Variants in DOCK2 observed in about 807,000 individuals in gnomAD.
DOCK2 encodes the protein dedicator of cytokinesis 2.
Under a neutral mutation model 248.9 loss-of-function variants are expected in DOCK2, and 87 were observed. The ratio of observed to expected loss-of-function variants is 0.35; its 90% CI spans 0.29 to 0.42. DOCK2 has a LOEUF of 0.42. Among genes scored for constraint, DOCK2 ranks in the 10% least tolerant of loss-of-function variants. DOCK2 has a pLI of 1.00. For missense variants in DOCK2, 1,747 were observed against 2,300.2 expected (o/e 0.76, Z 4.92); for synonymous variants, 805 against 821.6 (o/e 0.98, Z 0.35).
chr5:169,757,736 A>G lies in DOCK2; in HGVS notation c.2377-1969A>G, dbSNP rs79932794. Among the ~76,000 whole-genome samples the G allele has an allele frequency of 2.1e-3, 314 of 152,336 alleles. 6 individuals carry two copies. In the East Asian group the frequency reaches 0.053, roughly 26 times the overall value. On this transcript the variant is annotated intron_variant, in intron 23 of 51. Coordinates refer to ENST00000520908, the MANE Select transcript of DOCK2 (RefSeq NM_004946.3). ...GCATGAAAAATTTTAAAAACCAATA[A>G]GAAAAAAATACCCAAAATAAGAATA...
intron 27 of DOCK2, among the ~76,000 whole-genome samples, chr5:169,902,108 C>A (rs77798159): frequency 0.011 from 1,651 of 152,278 alleles, 8 homozygotes; most frequent in South Asian, 0.044. Context: ...GCATCTTGAT[C>A]TGTAGGGTTA....
intron 27 of DOCK2, among the ~76,000 whole-genome samples, chr5:169,871,601 C>T (rs1256167152): frequency 6.6e-6 from 1 of 152,124 alleles, no homozygotes; most frequent in African/African-American, 2.4e-5. Context: ...GAATCCGAAC[C>T]CTGACAGTCT....
At chr5:169,753,914 T>C (rs1431173087) in intron 23 of DOCK2, among the ~76,000 whole-genome samples, 2 of 152,222 alleles carry the variant, frequency 1.3e-5, no homozygotes, top group African/African-American at 2.4e-5. Context: ...CTATGGACCT[T>C]GATCATCCAC....
chr5:170,075,493 C>T (rs1160593497), intron 46 of DOCK2: 1 of 159,430 alleles, frequency 6.3e-6, no homozygotes, highest in Admixed American at 6.2e-5. Flanking sequence ...GCTATGCCCC[C>T]TCCTCTGTTT....
chr5:169,877,367 C>A (rs1053357124), intron 27 of DOCK2, among the ~76,000 whole-genome samples: 2 of 152,242 alleles, frequency 1.3e-5, no homozygotes, highest in South Asian at 4.2e-4. Context: ...GGTCAATTCA[C>A]GTTCAAGTGA....
intron 25 of DOCK2, among the ~76,000 whole-genome samples, chr5:169,797,796 C>G (rs2113102623): frequency 6.6e-6 from 1 of 152,282 alleles, no homozygotes; most frequent in East Asian, 1.9e-4. Context: ...ATCTTCAAAA[C>G]CATTTGTGTT....
At chr5:169,972,965 C>T (rs143426538) in intron 27 of DOCK2, among the ~76,000 whole-genome samples, 2 of 152,242 alleles carry the variant, frequency 1.3e-5, no homozygotes, top group East Asian at 3.9e-4. Flanking sequence ...ACTAGCAGAT[C>T]TCTTGCAGCA....
At position 170,057,607 on chromosome 5, in the gene DOCK2, G is replaced by T. The variant is rs143595882; in HGVS notation, c.4408G>T (p.Val1470Leu). 4 of 1,614,130 alleles carry T rather than the reference G, an allele frequency of 2.5e-6. No individual in the cohort carries two copies. The highest frequency in any genetic ancestry group is 4.5e-5 in the East Asian group (2 of 44,870). Residue 1470 changes from valine (V) to leucine (L), a missense_variant, in exon 44 of 52, where the codon GTG becomes TTG. Val to Leu is a conservative substitution (Grantham distance 32). Coordinates refer to ENST00000520908, the MANE Select transcript of DOCK2 (RefSeq NM_004946.3). ...ASMWIERTSF[V>L]TAYKLPGILR... ...CATGTGGATTGAGAGAACCTCCTTC[G>T]TGACTGCATACAAGCTGCCGGGGAT... is the stretch of plus-strand genomic sequence containing the variant.
chr5:169,639,579 C>T (rs1453404468), intron 1 of DOCK2, among the ~76,000 whole-genome samples: 2 of 152,196 alleles, frequency 1.3e-5, no homozygotes, highest in East Asian at 3.8e-4. Context: ...GCTGCTTAAG[C>T]TTCGGTGATC....
At chr5:170,045,978 G>A in intron 39 of DOCK2, 73 bp downstream of exon 39, 1 of 1,432,206 alleles carries the variant, frequency 7.0e-7, no homozygotes, top group Non-Finnish European at 9.8e-7. Context: ...CCCAGATCCT[G>A]GGGAGATGGG....
At chr5:169,878,951 C>T (rs540597367) in intron 27 of DOCK2, among the ~76,000 whole-genome samples, 1 of 152,206 alleles carries the variant, frequency 6.6e-6, no homozygotes, top group South Asian at 2.1e-4. Context: ...GGTCTGTGCT[C>T]TTGGTGAGAT....
chr5:169,687,381 A>G (rs1255982805), intron 8 of DOCK2, among the ~76,000 whole-genome samples: 1 of 152,076 alleles, frequency 6.6e-6, no homozygotes, highest in Non-Finnish European at 1.5e-5. Flanking sequence ...CATTTTTGCT[A>G]TTGGCCCCAT....
chr5:169,721,600 T>C (rs143263725), intron 22 of DOCK2, among the ~76,000 whole-genome samples: 13 of 152,342 alleles, frequency 8.5e-5, no homozygotes, highest in African/African-American at 3.1e-4. Context: ...GTATCTGGTA[T>C]TGTGTGTCTG....
chr5:169,959,891 C>A (rs748584828), intron 27 of DOCK2, among the ~76,000 whole-genome samples: 2 of 152,212 alleles, frequency 1.3e-5, no homozygotes, highest in Non-Finnish European at 2.9e-5. Flanking sequence ...AACAGAAGCA[C>A]TTCAGAGAGC....
At chr5:169,876,806 T>C (rs929415169) in intron 27 of DOCK2, among the ~76,000 whole-genome samples, 1 of 152,208 alleles carries the variant, frequency 6.6e-6, no homozygotes, top group Admixed American at 6.5e-5. Flanking sequence ...TGACTTTACT[T>C]CTGGACAATT....
chr5:170,052,125 C>G (rs1453927993), intron 41 of DOCK2, among the ~76,000 whole-genome samples: 1 of 152,214 alleles, frequency 6.6e-6, no homozygotes, highest in African/African-American at 2.4e-5. Context: ...ATGGGGTTGA[C>G]AGGTCGCAAG....
chr5:169,984,269 C>G (rs527438424), intron 28 of DOCK2, among the ~76,000 whole-genome samples: 7 of 152,256 alleles, frequency 4.6e-5, no homozygotes. Flanking sequence ...CATCTATGAG[C>G]CAGGAGCCTT....
chr5:170,076,174 C>G (rs1757833103), intron 47 of DOCK2, 90 bp downstream of exon 47: 1 of 1,509,720 alleles, frequency 6.6e-7, no homozygotes, highest in Non-Finnish European at 9.0e-7. Context: ...GGGGATCCAG[C>G]AAAGGAAGCT....
chr5:169,890,039 G>A (rs1773193688), intron 27 of DOCK2, among the ~76,000 whole-genome samples: 1 of 152,188 alleles, frequency 6.6e-6, no homozygotes, highest in South Asian at 2.1e-4. Flanking sequence ...GGGAGGCTGG[G>A]AAGCATTATC....
Sources: allele counts gnomAD v4.1 joint callset (sites outside exome capture counted in the v4.1 genomes callset), GRCh38; gene constraint gnomAD v4.1.1; transcripts MANE v1.5; gene names NCBI Gene and HGNC (gene_info 2026-07-23, HGNC 2026-07-21).